The following FYB1 variants were observed in gnomAD, a reference collection of about 807,000 sequenced individuals.
FYB1 encodes FYN binding protein 1.
A neutral mutation model predicts 94.1 loss-of-function variants in FYB1; 41 were observed. The observed-to-expected ratio is 0.44, with a 90% CI of 0.34 to 0.57. The LOEUF is 0.57. FYB1 is among the 20% of genes least tolerant of loss of function. FYB1 has a pLI of 0.02. For synonymous variants in FYB1, 367 were observed against 353.2 expected, an observed-to-expected ratio of 1.04 and a Z score of -0.44; for missense variants, 1,050 against 976.8, an observed-to-expected ratio of 1.07 and a Z score of -1.00.
rs1748357900 is a variant in FYB1, at chr5:39,201,947, ATTC to A, written c.1011_1013del (p.Lys337del). On this transcript the variant is annotated inframe_deletion, in exon 2 of 19. Transcript: ENST00000512982. The stretch of plus-strand genomic sequence containing the variant: ...ATGGCTTCTGTTTCGGGGTGGCTGA[ATTC>A]TTGTCTCCCTTTTCCTTTTCCTGAC... 1 of 1,613,844 alleles carries A rather than the reference ATTC, an allele frequency of 6.2e-7. No individual in the cohort carries two copies. Among genetic ancestry groups the A allele is most frequent in the Non-Finnish European group, 8.5e-7 (1 of 1,179,876 alleles).
chr5:39,246,227 G>A (rs1347874414), intron 1 of FYB1, among the ~76,000 whole-genome samples: 1 of 152,122 alleles, frequency 6.6e-6, no homozygotes, highest in African/African-American at 2.4e-5. Flanking sequence ...CTGTGGCAAA[G>A]AGAGACCCTA....
chr5:39,265,524 G>T (rs1165937285), intron 1 of FYB1, among the ~76,000 whole-genome samples: 1 of 151,280 alleles, frequency 6.6e-6, no homozygotes, highest in Non-Finnish European at 1.5e-5. Context: ...GGGGATGGTG[G>T]TGGGCACCTG....
intron 1 of FYB1, among the ~76,000 whole-genome samples, chr5:39,244,096 A>G (rs1433518115): frequency 2.0e-5 from 3 of 152,100 alleles, no homozygotes; most frequent in African/African-American, 4.8e-5. Context: ...AACAGGGACA[A>G]TTTGAGTTCC....
chr5:39,244,152 G>A (rs191990996), intron 1 of FYB1, among the ~76,000 whole-genome samples: 1 of 151,958 alleles, frequency 6.6e-6, no homozygotes, highest in East Asian at 1.9e-4. Flanking sequence ...CTGCCTGATT[G>A]CCTTGGCCAG....
At chr5:39,255,217 A>G (rs943406525) in intron 1 of FYB1, among the ~76,000 whole-genome samples, 8 of 152,312 alleles carry the variant, frequency 5.3e-5, no homozygotes, top group Admixed American at 3.3e-4. Context: ...GGTTAAGAAT[A>G]TAGAAAATGG....
chr5:39,181,733 A>G (rs953900372), intron 2 of FYB1, among the ~76,000 whole-genome samples: 5 of 152,124 alleles, frequency 3.3e-5, no homozygotes, highest in Non-Finnish European at 7.4e-5. Context: ...CTTGACACCT[A>G]CTCATTCTCA....
Position 39,177,454 on chromosome 5 carries a change from T to A in FYB1, c.1136-23850A>T, listed in dbSNP as rs79196293. Among the ~76,000 whole-genome samples, 1,073 of 152,304 alleles carry A rather than the reference T, an allele frequency of 7.0e-3. 14 individuals are homozygous for A. Among genetic ancestry groups the A allele is most frequent in the African/African-American group, 0.025 (1,027 of 41,564 alleles). On this transcript the variant is annotated intron_variant, in intron 2 of 18. Transcript: ENST00000512982. ...AGAAGGTGGTCAAAGAAGTTATTTG[T>A]CCCAGGTCTCCCAAAGCTGACAGAG... is the stretch of plus-strand genomic sequence containing the variant.
chr5:39,230,234 G>A (rs1003915726), intron 1 of FYB1, among the ~76,000 whole-genome samples: 5 of 152,290 alleles, frequency 3.3e-5, no homozygotes, highest in East Asian at 3.9e-4. Context: ...CAGAAGGATC[G>A]TTATACATGG....
chr5:39,273,509 A>G (rs1490106337), intron 1 of FYB1, among the ~76,000 whole-genome samples: 1 of 152,244 alleles, frequency 6.6e-6, no homozygotes, highest in Non-Finnish European at 1.5e-5. Context: ...GAAACAGGAA[A>G]TGCAACAAAG....
intron 2 of FYB1, among the ~76,000 whole-genome samples, chr5:39,172,799 A>G (rs1745372949): frequency 6.6e-6 from 1 of 152,174 alleles, no homozygotes; most frequent in African/African-American, 2.4e-5. Flanking sequence ...TTGTTGCTGC[A>G]TAGTATTCCA....
chr5:39,210,827 G>T (rs1749299616), intron 1 of FYB1, among the ~76,000 whole-genome samples: 1 of 152,162 alleles, frequency 6.6e-6, no homozygotes, highest in South Asian at 2.1e-4. Flanking sequence ...CCTAAGCAAC[G>T]TGGCGAGAGC....
upstream of FYB1, among the ~76,000 whole-genome samples, chr5:39,220,756 C>T (rs949175346): frequency 2.6e-5 from 4 of 152,202 alleles, no homozygotes; most frequent in Non-Finnish European, 2.9e-5. Flanking sequence ...CTTTCCTCCC[C>T]GTATGATTTT....
At chr5:39,271,019 T>A (rs1468448502) in intron 1 of FYB1, among the ~76,000 whole-genome samples, 1 of 152,106 alleles carries the variant, frequency 6.6e-6, no homozygotes, top group African/African-American at 2.4e-5. Flanking sequence ...AGTGGATATA[T>A]TATTATAAAT....
chr5:39,268,506 A>G (rs980269030), intron 1 of FYB1, among the ~76,000 whole-genome samples: 3 of 152,160 alleles, frequency 2.0e-5, no homozygotes, highest in Admixed American at 1.3e-4. Flanking sequence ...AATTGGGATT[A>G]CAGGCATGAG....
At chr5:39,163,851 A>AATCT (rs1491197920) in intron 2 of FYB1, among the ~76,000 whole-genome samples, 2 of 43,674 alleles carry the variant, frequency 4.6e-5, no homozygotes, top group Non-Finnish European at 1.4e-4. Flanking sequence ...GCAATAACTG[A>AATCT]ATATTCTTCA....
At chr5:39,243,079 A>T (rs1404687778) in intron 1 of FYB1, among the ~76,000 whole-genome samples, 2 of 152,146 alleles carry the variant, frequency 1.3e-5, no homozygotes, top group Non-Finnish European at 1.5e-5. Context: ...ATGTTCTCCC[A>T]TTCTGTAGGT....
chr5:39,175,762 T>C (rs548359354), intron 2 of FYB1, among the ~76,000 whole-genome samples: 1 of 152,270 alleles, frequency 6.6e-6, no homozygotes, highest in Non-Finnish European at 1.5e-5. Flanking sequence ...GTACCAGCTT[T>C]CAAGGAAGTG....
At chr5:39,145,663 T>C (rs572386617) in intron 3 of FYB1, among the ~76,000 whole-genome samples, 1 of 152,322 alleles carries the variant, frequency 6.6e-6, no homozygotes, top group Admixed American at 6.5e-5. Flanking sequence ...ACTGACATTG[T>C]ACAGAGTAAA....
At chr5:39,176,137 G>GTTTTTTTTTT (rs70982547) in intron 2 of FYB1, among the ~76,000 whole-genome samples, 1 of 61,640 alleles carries the variant, frequency 1.6e-5, no homozygotes, top group Non-Finnish European at 3.3e-5. Flanking sequence ...TTTTTTTTCT[G>GTTTTTTTTTT]TTTTTTTTTT....
Sources: allele counts gnomAD v4.1 joint callset (sites outside exome capture counted in the v4.1 genomes callset), GRCh38; gene constraint gnomAD v4.1.1; transcripts MANE v1.5; gene names NCBI Gene and HGNC (gene_info 2026-07-23, HGNC 2026-07-21).